Variants in NAALADL2 observed in about 807,000 individuals in gnomAD.
NAALADL2 encodes the protein inactive N-acetylated-alpha-linked acidic dipeptidase-like protein 2.
Under a neutral mutation model 87.2 loss-of-function variants are expected in NAALADL2, and 76 were observed. That is an observed-to-expected ratio of 0.87 (90% CI 0.72 to 1.05). The LOEUF (loss-of-function observed/expected upper bound fraction) is 1.05. Among genes scored for constraint, NAALADL2 ranks in the 50% least tolerant of loss-of-function variants. The pLI is 0.00. For missense variants in NAALADL2, 1,089 were observed against 945.8 expected, an observed-to-expected ratio of 1.15 and a Z score of -1.99; for synonymous variants, 354 against 331.0, an observed-to-expected ratio of 1.07 and a Z score of -0.75.
chr3:175,075,877 G>T (rs935404648), intron 1 of NAALADL2, among the ~76,000 whole-genome samples: 1 of 152,098 alleles, frequency 6.6e-6, no homozygotes, highest in Non-Finnish European at 1.5e-5. Flanking sequence ...ATAAAATAAG[G>T]TAAATTGATT....
chr3:175,400,535 AT>A lies in NAALADL2; in HGVS notation c.1091-46693del, dbSNP rs1251748947. ...AGTAAAAAGAGACAAAACAATAAAAATAAGCACCTACATTGAAAGCACTGAG... is the reference window on the plus strand; with the variant it reads ...AGTAAAAAGAGACAAAACAATAAAAAAAGCACCTACATTGAAAGCACTGAG... On this transcript the variant is annotated intron_variant, in intron 5 of 13. Coordinates refer to ENST00000454872, the MANE Select transcript of NAALADL2 (RefSeq NM_207015.3). Among the ~76,000 whole-genome samples, 4 of 152,178 alleles carry A rather than the reference AT, an allele frequency of 2.6e-5. No homozygotes were observed. In the East Asian group the frequency reaches 5.8e-4, roughly 22 times the overall value.
At chr3:175,319,999 C>A (rs75307991) in intron 4 of NAALADL2, among the ~76,000 whole-genome samples, 1 of 152,138 alleles carries the variant, frequency 6.6e-6, no homozygotes. Flanking sequence ...AAAGTTAATA[C>A]GCAACATAAG....
intron 9 of NAALADL2, among the ~76,000 whole-genome samples, chr3:175,544,265 A>G (rs1256635493): frequency 1.3e-5 from 2 of 152,218 alleles, no homozygotes; most frequent in South Asian, 2.1e-4. Context: ...GCTTTTTGCA[A>G]TAATGAGCAA....
At chr3:174,749,147 A>G (rs553342558) in intron 3 of NAALADL2, among the ~76,000 whole-genome samples, 35 of 152,216 alleles carry the variant, frequency 2.3e-4, no homozygotes, top group African/African-American at 6.5e-4. Context: ...CTCTCTGCCT[A>G]TTGTGTAGGA....
intron 11 of NAALADL2, among the ~76,000 whole-genome samples, chr3:175,695,367 G>A (rs1464553404): frequency 2.0e-5 from 3 of 152,060 alleles, no homozygotes; most frequent in African/African-American, 4.8e-5. Flanking sequence ...TGCATTCTTT[G>A]CCTAGTGAAA....
intron 11 of NAALADL2, among the ~76,000 whole-genome samples, chr3:175,685,253 C>G (rs1220331393): frequency 6.6e-6 from 1 of 152,082 alleles, no homozygotes; most frequent in Non-Finnish European, 1.5e-5. Context: ...TTAGCCATGC[C>G]CATCAGCTTT....
chr3:175,702,171 T>A (rs1039088791), intron 11 of NAALADL2, among the ~76,000 whole-genome samples: 5 of 152,292 alleles, frequency 3.3e-5, no homozygotes, highest in Admixed American at 3.3e-4. Flanking sequence ...AACACAAAGT[T>A]AATCTGTAAT....
intron 3 of NAALADL2, among the ~76,000 whole-genome samples, chr3:174,770,624 A>C (rs1714412086): frequency 1.3e-5 from 2 of 152,232 alleles, no homozygotes; most frequent in South Asian, 2.1e-4. Flanking sequence ...GCGGATCACG[A>C]GGTCAGGAGA....
chr3:175,323,911 G>A (rs1760308288), intron 4 of NAALADL2, among the ~76,000 whole-genome samples: 1 of 151,260 alleles, frequency 6.6e-6, no homozygotes, highest in Non-Finnish European at 1.5e-5. Context: ...CCAGCTACTC[G>A]GGAGGCTGAG....
chr3:175,172,828 T>C (rs2108923978), intron 2 of NAALADL2, among the ~76,000 whole-genome samples: 1 of 152,292 alleles, frequency 6.6e-6, no homozygotes, highest in East Asian at 1.9e-4. Context: ...TCCTGAATAC[T>C]TGGCGAACTT....
chr3:175,088,581 A>G (rs1223100790), intron 1 of NAALADL2, among the ~76,000 whole-genome samples: 1 of 152,264 alleles, frequency 6.6e-6, no homozygotes, highest in Non-Finnish European at 1.5e-5. Flanking sequence ...TCTAGTTTGT[A>G]GAAACCTGTT....
chr3:175,215,315 T>C (rs1306945482), intron 2 of NAALADL2, among the ~76,000 whole-genome samples: 2 of 152,152 alleles, frequency 1.3e-5, no homozygotes. Context: ...TTCAGATCAC[T>C]ATCGTGTCTT....
In NAALADL2 at chr3:174,865,705, A is replaced by G. The variant is rs190048911; in HGVS notation, c.43+6255A>G. On this transcript the variant is annotated intron_variant, in intron 1 of 13. Coordinates refer to ENST00000454872, the MANE Select transcript of NAALADL2 (RefSeq NM_207015.3). ...CACAGGGATGTAAATAAGAAATTAT[A>G]GAGGAATCTAGGAATTTATAGAGGG... Among the ~76,000 whole-genome samples the G allele has an allele frequency of 3.1e-3, 468 of 152,056 alleles. 3 individuals are homozygous for G. The highest frequency in any genetic ancestry group is 0.028 in the Admixed American group (430 of 15,238).
In NAALADL2 at chr3:175,807,325, A is replaced by G. The variant is rs900922706; in HGVS notation, c.*4122A>G. ...CCCACAGGAAAGACAGATGTTAACAAAAATAAAATAAATGATTATTTGTGA... is the reference window on the plus strand; with the variant it reads ...CCCACAGGAAAGACAGATGTTAACAGAAATAAAATAAATGATTATTTGTGA... On this transcript the variant is annotated 3_prime_UTR_variant, in exon 14 of 14. Coordinates refer to ENST00000454872, the MANE Select transcript of NAALADL2 (RefSeq NM_207015.3). The G allele has an allele frequency of 6.6e-6, 1 of 151,964 alleles. No homozygotes were observed. The highest frequency in any genetic ancestry group is 1.5e-5 in the Non-Finnish European group (1 of 67,916). 9.4% of individuals were successfully genotyped at this position (151,964 alleles called of 1,614,324 possible).
intron 9 of NAALADL2, among the ~76,000 whole-genome samples, chr3:175,490,628 C>T (rs1002184647): frequency 6.6e-6 from 1 of 151,538 alleles, no homozygotes; most frequent in African/African-American, 2.4e-5. Flanking sequence ...ATCTCCTGAC[C>T]TCGTGATCTG....
rs79462164 is a variant in NAALADL2 at position 175,679,664 on chromosome 3, G to C, written c.1896+52278G>C. ...ATCTTAATTAGAATACCATAGTCCT[G>C]AGTCAAACCAGTCAATACGAAATCT... On this transcript the variant is annotated intron_variant, in intron 11 of 13. Coordinates refer to ENST00000454872, the MANE Select transcript of NAALADL2 (RefSeq NM_207015.3). 5.3e-3 allele frequency among the ~76,000 whole-genome samples: 807 copies of C among 152,224 alleles called. 6 individuals carry two copies. Among genetic ancestry groups the C allele is most frequent in the African/African-American group, 0.018 (749 of 41,528 alleles).
At chr3:175,173,842 G>A (rs1735256079) in intron 2 of NAALADL2, among the ~76,000 whole-genome samples, 1 of 152,154 alleles carries the variant, frequency 6.6e-6, no homozygotes, top group Non-Finnish European at 1.5e-5. Flanking sequence ...GTGGACTTCT[G>A]CAATTTTCGT....
intron 9 of NAALADL2, among the ~76,000 whole-genome samples, chr3:175,549,275 A>T (rs576050593): frequency 6.6e-6 from 1 of 152,126 alleles, no homozygotes; most frequent in East Asian, 1.9e-4. Context: ...AAACCAAAAA[A>T]ATTGGATGTG....
chr3:175,282,538 G>GA (rs1038504381), intron 4 of NAALADL2, among the ~76,000 whole-genome samples: 5 of 151,900 alleles, frequency 3.3e-5, no homozygotes, highest in East Asian at 1.9e-4. Flanking sequence ...AACTAACTTT[G>GA]AAAAAAATGA....
Sources: allele counts gnomAD v4.1 joint callset (sites outside exome capture counted in the v4.1 genomes callset), GRCh38; gene constraint gnomAD v4.1.1; transcripts MANE v1.5; gene names NCBI Gene and HGNC (gene_info 2026-07-23, HGNC 2026-07-21).